Variants in PCDHGA9 observed in about 807,000 individuals in gnomAD.
PCDHGA9 encodes the protein protocadherin gamma-A9.
Under a neutral mutation model 62.5 loss-of-function variants are expected in PCDHGA9, and 37 were observed. That is an observed-to-expected ratio of 0.59 (90% confidence interval 0.46 to 0.78). The LOEUF is 0.78. Among genes scored for constraint, PCDHGA9 ranks in the 30% least tolerant of loss-of-function variants. The pLI, the probability that PCDHGA9 is intolerant of heterozygous loss-of-function variation, is 0.00. For missense variants in PCDHGA9, 1,138 were observed against 1,166.2 expected (o/e 0.98, Z 0.35); for synonymous variants, 459 against 484.6 (o/e 0.95, Z 0.69).
At chr5:141,421,148 G>A (rs1334539595) in intron 1 of PCDHGA9, 2 of 1,056,062 alleles carry the variant, frequency 1.9e-6, no homozygotes, top group African/African-American at 1.6e-5. Context: ...GATGTAGTCG[G>A]CCTAGGACTT....
chr5:141,408,743 A>G (rs764671808), intron 1 of PCDHGA9: 13 of 1,610,030 alleles, frequency 8.1e-6, no homozygotes, highest in African/African-American at 2.7e-5. Flanking sequence ...TTTTTCATTA[A>G]TGGTTAGAGT....
Position 141,423,433 on chromosome 5 carries a change from A to G in PCDHGA9, c.2424+18057A>G, listed in dbSNP as rs746170494. ...GGCTTCTGAAGGCGGGTTGGCAGGT[A>G]TGCCCACGTCACATTTTGTAGGCGT... On this transcript the variant is annotated intron_variant, in intron 1 of 3. Coordinates refer to ENST00000573521, the MANE Select transcript of PCDHGA9 (RefSeq NM_018921.3). 3.1e-6 allele frequency: 5 copies of G among 1,614,010 alleles called. No homozygotes were observed. The East Asian group carries it at 8.9e-5, about 29-fold the overall frequency.
At chr5:141,430,076 T>C (rs2097260023) in intron 1 of PCDHGA9, among the ~76,000 whole-genome samples, 1 of 152,208 alleles carries the variant, frequency 6.6e-6, no homozygotes, top group South Asian at 2.1e-4. Context: ...GTTTCCATAA[T>C]ATCATGAAAA....
intron 1 of PCDHGA9, among the ~76,000 whole-genome samples, chr5:141,453,679 T>C (rs960698192): frequency 2.0e-5 from 3 of 152,230 alleles, no homozygotes; most frequent in Non-Finnish European, 2.9e-5. Context: ...GGTAACACAC[T>C]ATGTAGGTAG....
At chr5:141,429,845 T>C (rs888160645) in intron 1 of PCDHGA9, among the ~76,000 whole-genome samples, 4 of 152,222 alleles carry the variant, frequency 2.6e-5, no homozygotes, top group Non-Finnish European at 1.5e-5. Context: ...GGTAAGTCTG[T>C]AACATTCTTT....
chr5:141,405,575 G>T, intron 1 of PCDHGA9, 199 bp downstream of exon 1: 2 of 598,040 alleles, frequency 3.3e-6, no homozygotes, highest in Non-Finnish European at 5.9e-6. Flanking sequence ...GAGTAGAGTA[G>T]CTGGGACTAC....
rs113648128 is a variant in PCDHGA9, at chr5:141,491,811, C to T, written c.2425-2996C>T. ...CACTCCTCTCCGGCCGGCTTGGTCG[C>T]TGGCTGCGCTCCACCCGATTCTCGG... On this transcript the variant is annotated intron_variant, in intron 1 of 3. Transcript: ENST00000573521. The surrounding 1 kb of genome is among the most constrained non-coding windows in gnomAD (Gnocchi z 6.9). 6.7e-7 allele frequency: 1 copy of T among 1,487,262 alleles called. No homozygotes were observed. The highest frequency in any genetic ancestry group is 1.4e-5 in the African/African-American group (1 of 70,544). 92.1% of individuals were successfully genotyped at this position (1,487,262 alleles called of 1,614,324 possible).
At chr5:141,440,551 T>C (rs1220901075) in intron 1 of PCDHGA9, 2 of 152,350 alleles carry the variant, frequency 1.3e-5, no homozygotes, top group East Asian at 1.9e-4. Context: ...GCAGGAATGT[T>C]ATTAAGTTAC....
chr5:141,506,584 G>A (rs1413313164), intron 3 of PCDHGA9, among the ~76,000 whole-genome samples: 1 of 152,098 alleles, frequency 6.6e-6, no homozygotes, highest in African/African-American at 2.4e-5. Context: ...ACTATTAATG[G>A]GCACAGTATT....
intron 1 of PCDHGA9, chr5:141,420,156 AT>A (rs755916873): frequency 6.2e-7 from 1 of 1,613,990 alleles, no homozygotes; most frequent in African/African-American, 1.3e-5. Flanking sequence ...CCAGAATTTA[AT>A]TTTTTCACAT....
In PCDHGA9 at chr5:141,403,960, G is replaced by A. The variant is rs775638627; in HGVS notation, c.1008G>A (p.Ser336=). The A allele has an allele frequency of 6.2e-6, 10 of 1,613,658 alleles. No homozygotes were observed. The highest frequency in any genetic ancestry group is 4.5e-5 in the East Asian group (2 of 44,878). ...AAGGGTGGACAAAAGTGCTCATTTC[G>A]GTGGAAGATGTAAATGACAATAGAC... ...GLKGWTKVLI[S]VEDVNDNRPE... Residue 336 remains serine, a synonymous_variant, in exon 1 of 4, where the codon TCG becomes TCA. Coordinates refer to ENST00000573521, the MANE Select transcript of PCDHGA9 (RefSeq NM_018921.3).
chr5:141,418,902 T>A, intron 1 of PCDHGA9: 3 of 1,613,930 alleles, frequency 1.9e-6, no homozygotes, highest in Non-Finnish European at 2.5e-6. Context: ...CCAGAAATAA[T>A]CATCACGTCA....
Position 141,476,023 on chromosome 5 carries a change from G to A in PCDHGA9, c.2425-18784G>A. 1 of 1,415,690 alleles carries A rather than the reference G, an allele frequency of 7.1e-7. No homozygotes were observed. The highest frequency in any genetic ancestry group is 2.3e-5 in the Admixed American group (1 of 43,980). 87.7% of individuals were successfully genotyped at this position (1,415,690 alleles called of 1,614,324 possible). A position where few individuals can be genotyped will look rare whatever the true frequency, so the allele number is the denominator to read the frequency against. ...CATCCAGAAAGCCATGTCGGACTCG[G>A]CGCCCAGCGCCCAAGCGCTAACCCG... On this transcript the variant is annotated intron_variant, in intron 1 of 3. Coordinates refer to ENST00000573521, the MANE Select transcript of PCDHGA9 (RefSeq NM_018921.3). This position sits in a 1 kb window ranked among gnomAD's most constrained non-coding sequence, Gnocchi z 7.6.
intron 1 of PCDHGA9, chr5:141,415,974 CAA>C (rs1192315813): frequency 2.7e-6 from 1 of 375,644 alleles, no homozygotes; most frequent in Non-Finnish European, 4.4e-6. Context: ...GCCCCTTAAG[CAA>C]CCCTCTTGTT....
In PCDHGA9 at chr5:141,493,164, T is replaced by C. The variant is rs558860783; in HGVS notation, c.2425-1643T>C. Among the ~76,000 whole-genome samples the C allele has an allele frequency of 4.6e-5, 7 of 152,340 alleles. 1 individual carries two copies. The South Asian group carries it at 1.2e-3, about 27-fold the overall frequency. On this transcript the variant is annotated intron_variant, in intron 1 of 3. Coordinates refer to ENST00000573521, the MANE Select transcript of PCDHGA9 (RefSeq NM_018921.3). The surrounding 1 kb of genome is among the most constrained non-coding windows in gnomAD (Gnocchi z 4.3). Reference sequence around the variant, plus strand: ...ACCCCCAGGTGATTTTGATAGCTGATTGAGAGAAACTTACTATATAACTCC... The same window carrying C: ...ACCCCCAGGTGATTTTGATAGCTGACTGAGAGAAACTTACTATATAACTCC...
chr5:141,411,785 G>A (rs2095515346), intron 1 of PCDHGA9: 1 of 152,310 alleles, frequency 6.6e-6, no homozygotes, highest in South Asian at 2.1e-4. Context: ...TGGTGGCTGT[G>A]GTGGGAGAAT....
intron 1 of PCDHGA9, among the ~76,000 whole-genome samples, chr5:141,455,594 G>A (rs1263100982): frequency 6.6e-6 from 1 of 152,112 alleles, no homozygotes; most frequent in Non-Finnish European, 1.5e-5. Context: ...ATATGCAAAC[G>A]TAGGGCGCCA....
At position 141,432,950 on chromosome 5, in the gene PCDHGA9, G is replaced by T. The variant is rs750033444; in HGVS notation, c.2424+27574G>T. ...ACGCCTGCTGCAGGCTTCAGGAGGCGGCTTGACAGGAGCGCCGGCGTCGCA... is the reference window on the plus strand; with the variant it reads ...ACGCCTGCTGCAGGCTTCAGGAGGCTGCTTGACAGGAGCGCCGGCGTCGCA... On this transcript the variant is annotated intron_variant, in intron 1 of 3. Coordinates refer to ENST00000573521, the MANE Select transcript of PCDHGA9 (RefSeq NM_018921.3). This position sits in a 1 kb window ranked among gnomAD's most constrained non-coding sequence, Gnocchi z 6.0. 6 of 1,614,072 alleles carry T rather than the reference G, an allele frequency of 3.7e-6. No individual in the cohort carries two copies. Among genetic ancestry groups the T allele is most frequent in the Admixed American group, 1.7e-5 (1 of 60,010 alleles).
intron 1 of PCDHGA9, among the ~76,000 whole-genome samples, chr5:141,444,253 C>T (rs2154560603): frequency 7.0e-6 from 1 of 142,690 alleles, no homozygotes; most frequent in South Asian, 2.3e-4. Flanking sequence ...CTCACTGCAA[C>T]CTCCGCCTCC....
Sources: allele counts gnomAD v4.1 joint callset (sites outside exome capture counted in the v4.1 genomes callset), GRCh38; gene constraint gnomAD v4.1.1; non-coding constraint Gnocchi (gnomAD v3.1); transcripts MANE v1.5; gene names NCBI Gene and HGNC (gene_info 2026-07-23, HGNC 2026-07-21).